PIGU: variants seen among roughly 807,000 people sequenced by gnomAD.
PIGU encodes phosphatidylinositol glycan anchor biosynthesis class U, also known as GPI-anchor transamidase component PIGU.
PIGU carries 24 observed loss-of-function variants against 49.9 expected under a neutral mutation model. That is an observed-to-expected ratio of 0.48 (90% CI 0.35 to 0.68). The LOEUF is 0.68. PIGU is among the 30% of genes least tolerant of loss of function. PIGU has a pLI of 0.01. For synonymous variants in PIGU, 220 were observed against 205.7 expected, an observed-to-expected ratio of 1.07 and a Z score of -0.59; for missense variants, 490 against 532.6, an observed-to-expected ratio of 0.92 and a Z score of 0.79.
chr20:34,567,468 TC>T (rs780188331), intron 11 of PIGU, among the ~76,000 whole-genome samples: 8 of 152,128 alleles, frequency 5.3e-5, no homozygotes, highest in Non-Finnish European at 1.2e-4. Flanking sequence ...CATTCAGTCC[TC>T]AAAACCACCT....
chr20:34,645,487 T>C (rs1212228532), intron 2 of PIGU, among the ~76,000 whole-genome samples, 153 bp from the exon 3 acceptor site: 1 of 152,098 alleles, frequency 6.6e-6, no homozygotes, highest in Non-Finnish European at 1.5e-5. Flanking sequence ...AGCTGGCCGG[T>C]GTGCTTATAG....
chr20:34,613,108 T>C (rs765119368), intron 7 of PIGU, among the ~76,000 whole-genome samples: 13 of 152,048 alleles, frequency 8.5e-5, no homozygotes, highest in Non-Finnish European at 1.5e-4. Flanking sequence ...CAGCCAATTC[T>C]ACCTCCTAGA....
chr20:34,639,436 TA>T (rs1986078559), intron 4 of PIGU, among the ~76,000 whole-genome samples: 1 of 151,938 alleles, frequency 6.6e-6, no homozygotes, highest in Admixed American at 6.6e-5. Context: ...TGTTATTTAG[TA>T]ACATATATAA....
At chr20:34,660,025 G>A (rs1394609122) in intron 1 of PIGU, among the ~76,000 whole-genome samples, 2 of 119,622 alleles carry the variant, frequency 1.7e-5, no homozygotes, top group Non-Finnish European at 3.3e-5. Context: ...CCCCCTCTGC[G>A]AGAAACACCC....
intron 1 of PIGU, among the ~76,000 whole-genome samples, chr20:34,658,164 C>T (rs1025287591): frequency 2.6e-4 from 40 of 152,350 alleles, no homozygotes; most frequent in African/African-American, 8.9e-4. Flanking sequence ...GACTGGTTTT[C>T]GTATTTTTTT....
At position 34,644,228 on chromosome 20, in the gene PIGU, T is replaced by C. The variant is rs938390379; in HGVS notation, c.256-2A>G. On this transcript the variant is annotated splice_acceptor_variant, in intron 3 of 11. Transcript: ENST00000217446. LOFTEE classifies it high-confidence loss of function. ...AATAGCAGTGAGTGCATCAGTTATC[T>C]GTCAAAAGAAAGAGAAATAATAGGA... 14 of 1,602,022 alleles carry C rather than the reference T, an allele frequency of 8.7e-6. No homozygotes were observed. The highest frequency in any genetic ancestry group is 1.2e-5 in the Non-Finnish European group (14 of 1,169,444).
chr20:34,590,570 G>GCGTAA (rs1157978679), intron 7 of PIGU, among the ~76,000 whole-genome samples: 311 of 118,952 alleles, frequency 2.6e-3, no homozygotes, highest in African/African-American at 0.01. Flanking sequence ...AAATAAAATA[G>GCGTAA]CGTAACGTAA....
Position 34,654,100 on chromosome 20 carries a change from G to A in PIGU, c.195+3080C>T, listed in dbSNP as rs1178635706. 3.8e-5 allele frequency among the ~76,000 whole-genome samples: 4 copies of A among 106,132 alleles called. 1 individual carries two copies. Among genetic ancestry groups the A allele is most frequent in the Non-Finnish European group, 8.0e-5 (4 of 50,132 alleles). 69.6% of individuals were successfully genotyped at this position (106,132 alleles called of 152,430 possible). A position where few individuals can be genotyped will look rare whatever the true frequency, so the allele number is the denominator to read the frequency against. ...TCTCGAACTCCCGACCTTGTGATCCGCCCGCCTAGGCTTCCCAAAGTGCTG... is the reference window on the plus strand; with the variant it reads ...TCTCGAACTCCCGACCTTGTGATCCACCCGCCTAGGCTTCCCAAAGTGCTG... On this transcript the variant is annotated intron_variant, in intron 2 of 11. Coordinates refer to ENST00000217446, the MANE Select transcript of PIGU (RefSeq NM_080476.5).
intron 7 of PIGU, among the ~76,000 whole-genome samples, chr20:34,610,426 G>A (rs532214125): frequency 6.6e-5 from 10 of 152,186 alleles, no homozygotes; most frequent in Admixed American, 3.3e-4. Context: ...CAAGCAAAGC[G>A]CCAAATCATG....
chr20:34,634,495 T>C (rs954673716), intron 6 of PIGU, 120 bp downstream of exon 6: 6 of 1,354,778 alleles, frequency 4.4e-6, no homozygotes, highest in Non-Finnish European at 5.7e-6. Context: ...CTTGTGTAAT[T>C]TTTAAAAATG....
chr20:34,580,964 A>AAT (rs1398102601), intron 10 of PIGU, among the ~76,000 whole-genome samples: 1 of 152,040 alleles, frequency 6.6e-6, no homozygotes, highest in Non-Finnish European at 1.5e-5. Flanking sequence ...AGCGCTGGGG[A>AAT]ATGGTTCAAA....
intron 7 of PIGU, among the ~76,000 whole-genome samples, chr20:34,599,328 C>T (rs533715648): frequency 6.6e-6 from 1 of 152,132 alleles, no homozygotes; most frequent in East Asian, 1.9e-4. Context: ...TGGCACGCGC[C>T]TGTAGTCCCA....
At chr20:34,582,860 G>C (rs755297975) in intron 9 of PIGU, among the ~76,000 whole-genome samples, 8 of 152,072 alleles carry the variant, frequency 5.3e-5, no homozygotes, top group Non-Finnish European at 1.0e-4. Context: ...GGTCAGGAGA[G>C]AGTTGGGGGA....
At chr20:34,618,900 AG>A (rs750364506) in intron 6 of PIGU, among the ~76,000 whole-genome samples, 7 of 152,260 alleles carry the variant, frequency 4.6e-5, no homozygotes, top group Non-Finnish European at 7.3e-5. Context: ...AGAGACAAAC[AG>A]GAAGAGATTA....
chr20:34,626,563 A>G (rs1985500751), intron 6 of PIGU, among the ~76,000 whole-genome samples: 2 of 152,166 alleles, frequency 1.3e-5, no homozygotes, highest in African/African-American at 4.8e-5. Context: ...TCGGCATCCC[A>G]AAGTGCTGGG....
intron 2 of PIGU, among the ~76,000 whole-genome samples, chr20:34,650,700 C>CTCTTTTTTTTTTTTTTTTTTTTTT (rs1986509194): frequency 2.6e-5 from 1 of 38,778 alleles, no homozygotes; most frequent in Non-Finnish European, 4.4e-5. Flanking sequence ...CTTTTTTTCT[C>CTCTTTTTTTTTTTTTTTTTTTTTT]TTTTTTTTTT....
chr20:34,672,089 C>G (rs1344511450), intron 1 of PIGU, among the ~76,000 whole-genome samples: 1 of 151,974 alleles, frequency 6.6e-6, no homozygotes, highest in Admixed American at 6.6e-5. Context: ...CAGGTATGGG[C>G]CAAACATGTC....
intron 7 of PIGU, among the ~76,000 whole-genome samples, chr20:34,614,970 T>A (rs1035408613): frequency 6.6e-6 from 1 of 152,202 alleles, no homozygotes; most frequent in Non-Finnish European, 1.5e-5. Context: ...TTACTTCCTC[T>A]TGAAGAAACA....
At chr20:34,603,246 T>G (rs975011232) in intron 7 of PIGU, among the ~76,000 whole-genome samples, 1 of 152,174 alleles carries the variant, frequency 6.6e-6, no homozygotes, top group Non-Finnish European at 1.5e-5. Context: ...GGAGGCTTGG[T>G]TTTTGTTTCT....
Sources: gnomAD v4.1 joint callset for allele counts (sites outside exome capture counted in the v4.1 genomes callset) on GRCh38, gnomAD v4.1.1 for gene constraint, MANE v1.5 for transcripts, NCBI Gene and HGNC (gene_info 2026-07-23, HGNC 2026-07-21) for gene names.